The following VHL variants were observed in gnomAD, a reference collection of about 807,000 sequenced individuals.
VHL encodes the protein von Hippel-Lindau tumor suppressor.
VHL carries 10 observed loss-of-function variants against 19.2 expected under a neutral mutation model. That is an observed-to-expected ratio of 0.52 (90% confidence interval 0.32 to 0.89). The LOEUF (loss-of-function observed/expected upper bound fraction) is 0.89, where lower values mean the gene tolerates loss of function less well. Among genes scored for constraint, VHL ranks in the 40% least tolerant of loss-of-function variants. The pLI is 0.03. For synonymous variants in VHL, 167 were observed against 129.5 expected (o/e 1.29, Z -1.97); for missense variants, 328 against 292.7 (o/e 1.12, Z -0.88).
chr3:10,144,496 C>CTTTTTTTTT lies in VHL; in HGVS notation c.341-2008_341-2000dup, dbSNP rs34512214. 1.4e-4 allele frequency among the ~76,000 whole-genome samples: 16 copies of CTTTTTTTTT among 116,606 alleles called. 1 individual carries two copies. The highest frequency in any genetic ancestry group is 2.1e-4 in the African/African-American group (6 of 28,772). 76.5% of individuals were successfully genotyped at this position (116,606 alleles called of 152,430 possible). A position where few individuals can be genotyped will look rare whatever the true frequency, so the allele number is the denominator to read the frequency against. ...GCAAGACCCTGTCTCTCTATCTTGT[C>CTTTTTTTTT]TTTTTTTTTTTTTTTTTTGAGACAG... On this transcript the variant is annotated intron_variant, in intron 1 of 2. Coordinates refer to ENST00000256474, the MANE Select transcript of VHL (RefSeq NM_000551.4).
chr3:10,142,141 C>T lies in VHL; in HGVS notation c.294C>T (p.Tyr98=), dbSNP rs1559426115. 6.3e-7 allele frequency: 1 copy of T among 1,599,890 alleles called. No individual in the cohort carries two copies. ...WLNFDGEPQP[Y]PTLPPGTGRR... is the part of the protein sequence containing the mutation. The stretch of plus-strand genomic sequence containing the variant: ...ACTTCGACGGCGAGCCGCAGCCCTA[C>T]CCAACGCTGCCGCCTGGCACGGGCC... Residue 98 remains tyrosine (Y), a synonymous_variant, in exon 1 of 3, where the codon TAC becomes TAT. Coordinates refer to ENST00000256474, the MANE Select transcript of VHL (RefSeq NM_000551.4).
intron 2 of VHL, 33 bp from the exon 3 acceptor site, chr3:10,149,754 C>A: frequency 6.3e-7 from 1 of 1,584,642 alleles, no homozygotes; most frequent in South Asian, 1.1e-5. Context: ...AGACCCTAGT[C>A]TGCCACTGAG....
At chr3:10,147,428 G>A (rs151092063) in intron 2 of VHL, among the ~76,000 whole-genome samples, 9 of 150,950 alleles carry the variant, frequency 6.0e-5, no homozygotes, top group Non-Finnish European at 1.2e-4. Flanking sequence ...GCAGTGGTGC[G>A]ATTTCAGCTC....
intron 2 of VHL, 52 bp downstream of exon 2, chr3:10,146,688 A>G (rs781248221): frequency 1.2e-6 from 2 of 1,608,656 alleles, no homozygotes; most frequent in South Asian, 2.2e-5. Flanking sequence ...TAAGTACAGG[A>G]TAGACCACTT....
rs747782558 is a variant in VHL at position 10,151,416 on chromosome 3, T to TA, written c.*1458dup. ...TTCTACTCCTTCCCTAATAGCTTTT[T>TA]AAAAAAATCTCCCCAGTAGAGAAAC... On this transcript the variant is annotated 3_prime_UTR_variant, in exon 3 of 3. Transcript: ENST00000256474. 2.3e-5 allele frequency: 5 copies of TA among 221,778 alleles called. No homozygotes were observed. Among genetic ancestry groups the TA allele is most frequent in the Admixed American group, 1.2e-4 (2 of 17,380 alleles). The allele number at this position is 221,778 out of a possible 1,614,324, so 13.7% of individuals were successfully genotyped here.
At chr3:10,148,276 A>C (rs903032845) in intron 2 of VHL, among the ~76,000 whole-genome samples, 4 of 151,816 alleles carry the variant, frequency 2.6e-5, no homozygotes, top group African/African-American at 9.7e-5. Flanking sequence ...TGAGTGTAAA[A>C]TAGGAATTGG....
rs191582744 is a variant in VHL, at chr3:10,152,559, C to A, written c.*2594C>A. Among the ~76,000 whole-genome samples, 638 of 122,098 alleles carry A rather than the reference C, an allele frequency of 5.2e-3. 18 individuals carry two copies. In the South Asian group the frequency reaches 0.095, roughly 18 times the overall value. The allele number at this position is 122,098 out of a possible 152,430, so 80.1% of individuals were successfully genotyped here. ...CCAGGCTGGAGTGCAGTGGTGCGAT[C>A]TCTGCTCACTACAAGCTCTGCCTCC... is the stretch of plus-strand genomic sequence containing the variant. On this transcript the variant is annotated 3_prime_UTR_variant, in exon 3 of 3. Coordinates refer to ENST00000256474, the MANE Select transcript of VHL (RefSeq NM_000551.4).
rs777358147 is a variant in VHL, at chr3:10,152,858, G to T, written c.*2893G>T. On this transcript the variant is annotated 3_prime_UTR_variant, in exon 3 of 3. Coordinates refer to ENST00000256474, the MANE Select transcript of VHL (RefSeq NM_000551.4). ...GTTCATGCTCCTCTTGTTAAAACCT[G>T]CAGGCCGAGCACAGTGGCTCATGCC... Among the ~76,000 whole-genome samples, 1 of 152,026 alleles carries T rather than the reference G, an allele frequency of 6.6e-6. No individual in the cohort carries two copies. The highest frequency in any genetic ancestry group is 1.5e-5 in the Non-Finnish European group (1 of 68,010).
rs745799758 is a variant in VHL at position 10,147,666 on chromosome 3, GT to G, written c.463+1045del. Among the ~76,000 whole-genome samples, 1,244 of 140,576 alleles carry G rather than the reference GT, an allele frequency of 8.8e-3. 14 individuals are homozygous for G. The highest frequency in any genetic ancestry group is 0.024 in the African/African-American group (933 of 38,776). 92.2% of individuals were successfully genotyped at this position (140,576 alleles called of 152,430 possible). A position where few individuals can be genotyped will look rare whatever the true frequency, so the allele number is the denominator to read the frequency against. On this transcript the variant is annotated intron_variant, in intron 2 of 2. Transcript: ENST00000256474. ...AGGCGTGAGCCACTGCGTCCAGCCT[GT>G]TTTTTTTTTTTTTTAAATCATTGAA...
Position 10,141,942 on chromosome 3 carries a change from A to T in VHL, c.95A>T (p.Glu32Val), listed in dbSNP as rs786203104. Residue 32 changes from glutamate to valine, a missense_variant, in exon 1 of 3, where the codon GAG becomes GTG. By Grantham distance (121) the Glu-to-Val change is moderately radical (BLOSUM62 -2). Coordinates refer to ENST00000256474, the MANE Select transcript of VHL (RefSeq NM_000551.4). ...EYGPEEDGGE[E>V]SGAEESGPEE... ...GGCCCTGAAGAAGACGGCGGGGAGG[A>T]GTCGGGCGCCGAGGAGTCCGGCCCG... 6.5e-7 allele frequency: 1 copy of T among 1,541,364 alleles called. No homozygotes were observed. Among genetic ancestry groups the T allele is most frequent in the African/African-American group, 1.4e-5 (1 of 72,708 alleles).
chr3:10,153,440 C>CA lies in VHL; in HGVS notation c.*3482dup, dbSNP rs148013887. Among the ~76,000 whole-genome samples the CA allele has an allele frequency of 0.13, 18,987 of 149,456 alleles. 3,072 individuals carry two copies. Among genetic ancestry groups the CA allele is most frequent in the African/African-American group, 0.38 (15,529 of 40,592 alleles). On this transcript the variant is annotated 3_prime_UTR_variant, in exon 3 of 3. Transcript: ENST00000256474. ...GTGAAATTCCATCTCAAAAAGAAACCAAAAAAACAAAAAAAAAACATGCCG... is the reference window on the plus strand; with the variant it reads ...GTGAAATTCCATCTCAAAAAGAAACCAAAAAAAACAAAAAAAAAACATGCCG...
rs1382653522 is a variant in VHL at position 10,146,632 on chromosome 3, G to T, written c.459G>T (p.Leu153=). The change falls in exon 2 of 3, where the codon CTG becomes CTT. Residue 153 remains leucine, a synonymous_variant. Transcript: ENST00000256474. The stretch of plus-strand genomic sequence containing the variant: ...AGCCTATTTTTGCCAATATCACACT[G>T]CCAGGTACTGACGTTTTACTTTTTA... ...DGQPIFANIT[L]PVYTLKERCL... is the part of the protein sequence containing the mutation. 1.2e-6 allele frequency: 2 copies of T among 1,613,658 alleles called. No homozygotes were observed. Among genetic ancestry groups the T allele is most frequent in the South Asian group, 2.2e-5 (2 of 91,082 alleles).
intron 2 of VHL, 122 bp from the exon 3 acceptor site, chr3:10,149,665 T>C (rs1308069175): frequency 1.2e-6 from 1 of 868,482 alleles, no homozygotes; most frequent in Non-Finnish European, 1.9e-6. Context: ...TGCACTCACT[T>C]TTTTTCTTTA....
Position 10,150,080 on chromosome 3 carries a change from TA to T in VHL, c.*119del. On this transcript the variant is annotated 3_prime_UTR_variant, in exon 3 of 3. Transcript: ENST00000256474. ...GTTTCAAAGTGTCTCATTCTCAGAGTAAAATAGGCACCATTGCTTAAAAGAA... is the reference window on the plus strand; with the variant it reads ...GTTTCAAAGTGTCTCATTCTCAGAGTAAATAGGCACCATTGCTTAAAAGAA... The T allele has an allele frequency of 6.5e-7, 1 of 1,541,396 alleles. No individual in the cohort carries two copies. The highest frequency in any genetic ancestry group is 8.8e-7 in the Non-Finnish European group (1 of 1,142,506).
chr3:10,149,989 G>A lies in VHL; in HGVS notation c.*24G>A, dbSNP rs2125130961. The A allele has an allele frequency of 6.2e-7, 1 of 1,606,888 alleles. No individual in the cohort carries two copies. The highest frequency in any genetic ancestry group is 1.1e-5 in the South Asian group (1 of 89,970). On this transcript the variant is annotated 3_prime_UTR_variant, in exon 3 of 3. Transcript: ENST00000256474. ...GAAGATTTCTGTTGAAACTTACACTGTTTCATCTCAGCTTTTGATGGTACT... is the reference window on the plus strand; with the variant it reads ...GAAGATTTCTGTTGAAACTTACACTATTTCATCTCAGCTTTTGATGGTACT...
At chr3:10,146,709 G>A (rs2125128665) in intron 2 of VHL, 73 bp downstream of exon 2, 1 of 1,599,528 alleles carries the variant, frequency 6.3e-7, no homozygotes. Context: ...GAAAAATTAA[G>A]CCCAGTTCTC....
Position 10,150,500 on chromosome 3 carries a change from G to T in VHL, c.*535G>T. The T allele has an allele frequency of 2.3e-6, 1 of 439,688 alleles. No individual in the cohort carries two copies. Among genetic ancestry groups the T allele is most frequent in the Non-Finnish European group, 3.4e-6 (1 of 294,784 alleles). 27.2% of individuals were successfully genotyped at this position (439,688 alleles called of 1,614,324 possible). On this transcript the variant is annotated 3_prime_UTR_variant, in exon 3 of 3. Coordinates refer to ENST00000256474, the MANE Select transcript of VHL (RefSeq NM_000551.4). ...GGGTTTGTCAGAGGAACAAACCAGGGGACACTTTGTTAGAAAGTGCTTAGA... is the reference window on the plus strand; with the variant it reads ...GGGTTTGTCAGAGGAACAAACCAGGTGACACTTTGTTAGAAAGTGCTTAGA...
rs200133589 is a variant in VHL at position 10,148,272 on chromosome 3, T to TAA, written c.464-1512_464-1511dup. ...CCCTCGAGTACGTTTCCAGTGAGTGTAAAATAGGAATTGGGATACCCAATT... is the reference window on the plus strand; with the variant it reads ...CCCTCGAGTACGTTTCCAGTGAGTGTAAAAAATAGGAATTGGGATACCCAATT... On this transcript the variant is annotated intron_variant, in intron 2 of 2. Transcript: ENST00000256474. Among the ~76,000 whole-genome samples, 868 of 151,596 alleles carry TAA rather than the reference T, an allele frequency of 5.7e-3. 11 individuals are homozygous for TAA. The highest frequency in any genetic ancestry group is 0.019 in the African/African-American group (806 of 41,362).
In VHL at chr3:10,151,580, G is replaced by A. The variant is rs1696411361; in HGVS notation, c.*1615G>A. The stretch of plus-strand genomic sequence containing the variant: ...GATTTTGGTTGGTTTTTACATAGTT[G>A]AGATTGTACTGTTCATACAGTTTTA... On this transcript the variant is annotated 3_prime_UTR_variant, in exon 3 of 3. Coordinates refer to ENST00000256474, the MANE Select transcript of VHL (RefSeq NM_000551.4). 1 of 225,388 alleles carries A rather than the reference G, an allele frequency of 4.4e-6. No homozygotes were observed. Among genetic ancestry groups the A allele is most frequent in the Non-Finnish European group, 8.8e-6 (1 of 113,172 alleles). 14.0% of individuals were successfully genotyped at this position (225,388 alleles called of 1,614,324 possible).
Sources: gnomAD v4.1 joint callset for allele counts (sites outside exome capture counted in the v4.1 genomes callset) on GRCh38, gnomAD v4.1.1 for gene constraint, MANE v1.5 for transcripts, NCBI Gene and HGNC (gene_info 2026-07-23, HGNC 2026-07-21) for gene names.